SSR2: variants seen among roughly 807,000 people sequenced by gnomAD.
SSR2 encodes signal sequence receptor subunit 2.
In SSR2, 16 loss-of-function variants were observed where a neutral mutation model predicts 22.6. The ratio of observed to expected loss-of-function variants is 0.71; its 90% CI spans 0.48 to 1.08. The LOEUF is 1.08. SSR2 is among the 50% of genes least tolerant of loss of function. The pLI is 0.00. For missense variants in SSR2, 171 were observed against 221.6 expected (o/e 0.77, Z 1.45); for synonymous variants, 83 against 91.2 (o/e 0.91, Z 0.51).
intron 3 of SSR2, among the ~76,000 whole-genome samples, chr1:156,016,966 A>C (rs1026126404): frequency 1.3e-5 from 2 of 152,220 alleles, no homozygotes; most frequent in African/African-American, 4.8e-5. Context: ...CAGAACCGTG[A>C]ACAAATTAAA....
chr1:156,009,782 T>G, intron 5 of SSR2, 132 bp from the exon 6 acceptor site: 1 of 598,256 alleles, frequency 1.7e-6, no homozygotes, highest in Non-Finnish European at 2.8e-6. Context: ...AAGTCTTAGT[T>G]TTTTTTTTTG....
At chr1:156,012,954 A>C (rs981818193) in intron 4 of SSR2, 2 of 151,878 alleles carry the variant, frequency 1.3e-5, no homozygotes, top group Non-Finnish European at 1.5e-5. Context: ...CATATATGGG[A>C]AAAAGAAATC....
intron 3 of SSR2, 152 bp from the exon 4 acceptor site, chr1:156,015,221 C>G (rs766265549): frequency 1.6e-6 from 1 of 643,716 alleles, no homozygotes; most frequent in African/African-American, 1.8e-5. Flanking sequence ...ATATAGGCTT[C>G]TTTGCCGGGC....
chr1:156,015,203 A>C, intron 3 of SSR2, 134 bp from the exon 4 acceptor site: 1 of 687,304 alleles, frequency 1.5e-6, no homozygotes, highest in East Asian at 2.8e-5. Context: ...TTCTGCAGGA[A>C]TGAAAAAATA....
At chr1:156,017,668 C>A (rs1683076922) in intron 3 of SSR2, among the ~76,000 whole-genome samples, 1 of 146,560 alleles carries the variant, frequency 6.8e-6, no homozygotes, top group Non-Finnish European at 1.5e-5. Context: ...TTAAAAGCAC[C>A]TTAAATACCT....
chr1:156,014,833 G>A (rs1166898583), intron 4 of SSR2, 128 bp downstream of exon 4: 12 of 757,636 alleles, frequency 1.6e-5, no homozygotes, highest in Middle Eastern at 3.0e-4. Flanking sequence ...GAGCCACTGC[G>A]CCCAGTCCTA....
In SSR2 at chr1:156,017,739, GTTTTTTTT is replaced by G. The variant is rs757236241; in HGVS notation, c.254+523_254+530del. On this transcript the variant is annotated intron_variant, in intron 3 of 5. Transcript: ENST00000295702. ...ATCCTCCCAGTATAGTATGTTTCAG[GTTTTTTTT>G]TTTTTTTTTTTTTTTTTTTTTGACA... Among the ~76,000 whole-genome samples, 32 of 61,906 alleles carry G rather than the reference GTTTTTTTT, an allele frequency of 5.2e-4. 1 individual carries two copies. The South Asian group carries it at 0.022, about 43-fold the overall frequency. 40.6% of individuals were successfully genotyped at this position (61,906 alleles called of 152,430 possible).
At chr1:156,018,565 G>C (rs538768792) in intron 2 of SSR2, among the ~76,000 whole-genome samples, 197 bp from the exon 3 acceptor site, 6 of 150,020 alleles carry the variant, frequency 4.0e-5, no homozygotes, top group South Asian at 4.2e-4. Context: ...AAAATTAGCT[G>C]GGCGCGGTGG....
intron 1 of SSR2, chr1:156,020,409 C>A (rs769064155): frequency 9.2e-6 from 4 of 435,208 alleles, no homozygotes; most frequent in Non-Finnish European, 1.7e-5. Context: ...CTGTCAGAAG[C>A]CCCGGGATGC....
intron 4 of SSR2, chr1:156,012,139 A>G (rs949153477): frequency 1.0e-5 from 4 of 393,246 alleles, no homozygotes; most frequent in Non-Finnish European, 1.4e-5. Context: ...TGGAGAACAT[A>G]TATTAAACAA....
intron 3 of SSR2, among the ~76,000 whole-genome samples, chr1:156,016,782 C>T (rs1431324010): frequency 6.6e-6 from 1 of 152,014 alleles, no homozygotes; most frequent in Non-Finnish European, 1.5e-5. Context: ...CAGATTTCTC[C>T]CTTGCCATTC....
chr1:156,015,525 AAAAAAAAAAAATAT>A, intron 3 of SSR2, among the ~76,000 whole-genome samples: 1 of 120,840 alleles, frequency 8.3e-6, no homozygotes, highest in South Asian at 2.5e-4. Flanking sequence ...AAAAAAAAAA[AAAAAAAAAAAATAT>A]ATATATATAT....
intron 4 of SSR2, chr1:156,014,019 T>C (rs1028143703): frequency 2.0e-5 from 3 of 152,264 alleles, no homozygotes; most frequent in African/African-American, 7.2e-5. Context: ...AAGTGTCTGG[T>C]TAATGTTATC....
rs757236241 is a variant in SSR2 at position 156,017,739 on chromosome 1, G to GTTTTTTTTTTTTTT, written c.254+517_254+530dup. Among the ~76,000 whole-genome samples the GTTTTTTTTTTTTTT allele has an allele frequency of 9.7e-5, 6 of 61,908 alleles. 2 individuals carry two copies. The highest frequency in any genetic ancestry group is 1.3e-4 in the African/African-American group (2 of 14,824). The allele number at this position is 61,908 out of a possible 152,430, so 40.6% of individuals were successfully genotyped here. On this transcript the variant is annotated intron_variant, in intron 3 of 5. Transcript: ENST00000295702. ...ATCCTCCCAGTATAGTATGTTTCAG[G>GTTTTTTTTTTTTTT]TTTTTTTTTTTTTTTTTTTTTTTTT...
intron 2 of SSR2, among the ~76,000 whole-genome samples, chr1:156,019,805 C>G (rs748703574): frequency 4.6e-5 from 7 of 152,124 alleles, no homozygotes; most frequent in African/African-American, 1.7e-4. Flanking sequence ...TCTTCCAACC[C>G]GAAACGTGAA....
At chr1:156,018,445 G>A (rs949356741) in intron 2 of SSR2, 77 bp from the exon 3 acceptor site, 5 of 1,178,478 alleles carry the variant, frequency 4.2e-6, no homozygotes, top group Admixed American at 1.9e-5. Flanking sequence ...CGTGGCTCAC[G>A]CCTGTAATCC....
chr1:156,019,911 T>A, intron 2 of SSR2, 102 bp downstream of exon 2: 1 of 1,319,174 alleles, frequency 7.6e-7, no homozygotes, highest in South Asian at 1.5e-5. Flanking sequence ...GCTGGAAGTG[T>A]CCCAAAGAGA....
intron 1 of SSR2, 171 bp from the exon 2 acceptor site, chr1:156,020,338 A>T (rs754704677): frequency 1.6e-6 from 1 of 619,458 alleles, no homozygotes; most frequent in South Asian, 2.0e-5. Flanking sequence ...CTCTCCTACC[A>T]TCTTCACCCT....
intron 1 of SSR2, 47 bp from the exon 2 acceptor site, chr1:156,020,214 T>C: frequency 1.2e-6 from 2 of 1,605,440 alleles, no homozygotes; most frequent in Non-Finnish European, 1.7e-6. Flanking sequence ...GTACGTCAAA[T>C]TCACCAAAAT....
Sources: allele counts gnomAD v4.1 joint callset (sites outside exome capture counted in the v4.1 genomes callset), GRCh38; gene constraint gnomAD v4.1.1; transcripts MANE v1.5; gene names NCBI Gene and HGNC (gene_info 2026-07-23, HGNC 2026-07-21).